Variants in PTPN3 observed in about 807,000 individuals in gnomAD.
The protein encoded by PTPN3 is tyrosine-protein phosphatase non-receptor type 3.
In PTPN3, 96 loss-of-function variants were observed where a neutral mutation model predicts 132.7. The ratio of observed to expected loss-of-function variants is 0.72; its 90% confidence interval spans 0.61 to 0.86. The LOEUF is 0.86. Among genes scored for constraint, PTPN3 ranks in the 40% least tolerant of loss-of-function variants. The probability of loss-of-function intolerance (pLI) is 0.00; values close to 1 mark genes in which losing one functional copy is unlikely to be tolerated. For missense variants in PTPN3, 1,125 were observed against 1,159.6 expected, an observed-to-expected ratio of 0.97 and a Z score of 0.43; for synonymous variants, 398 against 429.0, an observed-to-expected ratio of 0.93 and a Z score of 0.89.
the PTPN3 span, among the ~76,000 whole-genome samples, chr9:109,517,410 A>G: frequency 2.6e-5 from 4 of 152,202 alleles, no homozygotes; most frequent in African/African-American, 9.7e-5. Flanking sequence ...TTATGAATTA[A>G]CCAAGTTAAG....
intron 1 of PTPN3, among the ~76,000 whole-genome samples, chr9:109,483,597 GAT>G (rs775936449): frequency 9.2e-5 from 14 of 152,162 alleles, no homozygotes; most frequent in Non-Finnish European, 1.9e-4. Context: ...TTCTAAGGAG[GAT>G]ATAACTGTGA....
At chr9:109,534,350 C>T in the PTPN3 span, 3 of 1,501,296 alleles carry the variant, frequency 2.0e-6, no homozygotes, top group Non-Finnish European at 2.7e-6. Flanking sequence ...GTGATGGTGA[C>T]TGGGGCCGGC....
intron 19 of PTPN3, among the ~76,000 whole-genome samples, chr9:109,393,850 T>C (rs1383573513): frequency 6.6e-6 from 1 of 152,218 alleles, no homozygotes; most frequent in African/African-American, 2.4e-5. Flanking sequence ...TTTTTTCTCT[T>C]ACTAAATAAA....
intron 4 of PTPN3, 144 bp from the exon 5 acceptor site, chr9:109,454,718 C>T (rs1035981761): frequency 3.1e-6 from 2 of 635,964 alleles, no homozygotes; most frequent in Non-Finnish European, 5.5e-6. Context: ...ACATGGAGTA[C>T]ATAAGTTAGT....
intron 9 of PTPN3, among the ~76,000 whole-genome samples, chr9:109,434,356 T>C (rs931277708): frequency 6.7e-6 from 1 of 149,296 alleles, no homozygotes. Context: ...TTGCCTAGGC[T>C]GGAGTGCAGT....
chr9:109,388,142 TCA>T lies in PTPN3; in HGVS notation c.2253+1089_2253+1090del, dbSNP rs1839756037. On this transcript the variant is annotated intron_variant, in intron 22 of 25. Coordinates refer to ENST00000374541, the MANE Select transcript of PTPN3 (RefSeq NM_002829.4). ...TGGGAGATGCTGAAAATTTCATCTC[TCA>T]GAGAAAGGCGCAAAGCTGCTGCCTG... Among the ~76,000 whole-genome samples the T allele has an allele frequency of 4.6e-5, 7 of 152,274 alleles. No individual in the cohort carries two copies. In the South Asian group the frequency reaches 1.4e-3, roughly 32 times the overall value.
chr9:109,510,728 G>GTGAT, the PTPN3 span, among the ~76,000 whole-genome samples: 1 of 150,998 alleles, frequency 6.6e-6, no homozygotes, highest in East Asian at 1.9e-4. Flanking sequence ...GATAATGCTA[G>GTGAT]TGATTCAACT....
intron 23 of PTPN3, 113 bp downstream of exon 23, chr9:109,383,310 C>G: frequency 6.4e-7 from 1 of 1,573,040 alleles, no homozygotes; most frequent in Non-Finnish European, 8.7e-7. Context: ...CACTTACTGA[C>G]ACGCTTGCCA....
At position 109,496,087 on chromosome 9, in the gene PTPN3, C is replaced by CTAATTTGCATATA. The variant is rs1185842979; in HGVS notation, c.-18+2119_-18+2131dup. 2.1e-4 allele frequency among the ~76,000 whole-genome samples: 32 copies of CTAATTTGCATATA among 152,234 alleles called. 1 individual carries two copies. Among genetic ancestry groups the CTAATTTGCATATA allele is most frequent in the African/African-American group, 7.2e-4 (30 of 41,452 alleles). On this transcript the variant is annotated intron_variant, in intron 1 of 25. Coordinates refer to ENST00000374541, the MANE Select transcript of PTPN3 (RefSeq NM_002829.4). Reference sequence around the variant, plus strand: ...ACCTTTTATATTCCCCAGCTAATGTCTAATTTGCATATATGAGTCCTTTTT... The same window carrying CTAATTTGCATATA: ...ACCTTTTATATTCCCCAGCTAATGTCTAATTTGCATATATAATTTGCATATATGAGTCCTTTTT...
At position 109,490,137 on chromosome 9, in the gene PTPN3, C is replaced by G. The variant is rs577590724; in HGVS notation, c.-18+8082G>C. Among the ~76,000 whole-genome samples the G allele has an allele frequency of 2.0e-5, 3 of 151,846 alleles. No homozygotes were observed. In the East Asian group the frequency reaches 5.9e-4, roughly 30 times the overall value. ...GGCAGAGGTTGCAGTGAGCCGAGAT[C>G]GCGCCACTGCACTCTAGCCTGGGTG... On this transcript the variant is annotated intron_variant, in intron 1 of 25. Coordinates refer to ENST00000374541, the MANE Select transcript of PTPN3 (RefSeq NM_002829.4).
chr9:109,414,442 C>T (rs1295944697), intron 14 of PTPN3, among the ~76,000 whole-genome samples: 2 of 152,234 alleles, frequency 1.3e-5, no homozygotes, highest in African/African-American at 2.4e-5. Context: ...ACCCAGAGGG[C>T]ACAGTTTCTT....
At chr9:109,406,706 T>C (rs546615787) in intron 17 of PTPN3, 88 bp from the exon 18 acceptor site, 4 of 1,528,922 alleles carry the variant, frequency 2.6e-6, no homozygotes, top group African/African-American at 2.7e-5. Context: ...CCCAGACACC[T>C]GGGACCATGA....
chr9:109,477,190 C>T (rs1017960186), intron 1 of PTPN3, among the ~76,000 whole-genome samples: 4 of 152,130 alleles, frequency 2.6e-5, no homozygotes, highest in Non-Finnish European at 4.4e-5. Context: ...AAACGGAGCC[C>T]CACACTTAGT....
At chr9:109,512,023 A>G in the PTPN3 span, among the ~76,000 whole-genome samples, 1 of 152,160 alleles carries the variant, frequency 6.6e-6, no homozygotes, top group Non-Finnish European at 1.5e-5. Flanking sequence ...CCACCTCTGG[A>G]GATTTCTAAT....
chr9:109,395,891 C>G (rs1840562431), intron 19 of PTPN3, among the ~76,000 whole-genome samples: 1 of 121,284 alleles, frequency 8.2e-6, no homozygotes, highest in Non-Finnish European at 1.6e-5. Flanking sequence ...GAATCTTACT[C>G]TGTTACCTAG....
At chr9:109,451,390 A>C in intron 5 of PTPN3, 1 of 953,826 alleles carries the variant, frequency 1.0e-6, no homozygotes, top group Non-Finnish European at 1.2e-6. Flanking sequence ...CCTTCTTAAG[A>C]TGGAAGGTGG....
At chr9:109,531,188 G>A in the PTPN3 span, among the ~76,000 whole-genome samples, 5 of 152,138 alleles carry the variant, frequency 3.3e-5, no homozygotes, top group African/African-American at 1.2e-4. Flanking sequence ...TTCTGTAGAT[G>A]TCATCTCGAT....
intron 1 of PTPN3, among the ~76,000 whole-genome samples, chr9:109,490,671 G>C (rs1588508965): frequency 6.6e-6 from 1 of 151,576 alleles, no homozygotes; most frequent in South Asian, 2.1e-4. Flanking sequence ...CCCAGGAGTC[G>C]GATGCTGCAG....
intron 1 of PTPN3, 133 bp from the exon 2 acceptor site, chr9:109,463,584 A>G: frequency 4.2e-6 from 3 of 719,978 alleles, no homozygotes; most frequent in East Asian, 3.1e-5. Context: ...TACATAGCAG[A>G]TCATGTTTCC....
Sources: gnomAD v4.1 joint callset for allele counts (sites outside exome capture counted in the v4.1 genomes callset) on GRCh38, gnomAD v4.1.1 for gene constraint, MANE v1.5 for transcripts, NCBI Gene and HGNC (gene_info 2026-07-23, HGNC 2026-07-21) for gene names.